RORB: variants seen among roughly 807,000 people sequenced by gnomAD.
RORB encodes the protein nuclear receptor ROR-beta.
RORB carries 6 observed loss-of-function variants against 59.1 expected under a neutral mutation model. That is an observed-to-expected ratio of 0.10 (90% confidence interval 0.06 to 0.20). The LOEUF (loss-of-function observed/expected upper bound fraction) is 0.20. RORB is among the 10% of genes least tolerant of loss of function. RORB has a pLI of 1.00. For missense variants in RORB, 320 were observed against 560.5 expected (o/e 0.57, Z 4.33); for synonymous variants, 215 against 204.5 (o/e 1.05, Z -0.44).
intron 1 of RORB, among the ~76,000 whole-genome samples, chr9:74,518,264 G>A (rs917870843): frequency 1.3e-5 from 2 of 151,934 alleles, no homozygotes; most frequent in African/African-American, 4.8e-5. Flanking sequence ...CCGTGGCACC[G>A]TTAATTGAAC....
chr9:74,521,188 G>A (rs1160787017), intron 1 of RORB, among the ~76,000 whole-genome samples: 4 of 151,664 alleles, frequency 2.6e-5, no homozygotes, highest in African/African-American at 7.3e-5. Context: ...TTCACTTAAG[G>A]GTCTAATCGT....
At position 74,687,637 on chromosome 9, in the gene RORB, G is replaced by A. The variant is rs1824668754; in HGVS notation, c.*2019G>A. The A allele has an allele frequency of 6.6e-6, 1 of 152,134 alleles. No homozygotes were observed. Among genetic ancestry groups the A allele is most frequent in the East Asian group, 1.9e-4 (1 of 5,186 alleles). 9.4% of individuals were successfully genotyped at this position (152,134 alleles called of 1,614,324 possible). A position where few individuals can be genotyped will look rare whatever the true frequency, so the allele number is the denominator to read the frequency against. On this transcript the variant is annotated 3_prime_UTR_variant, in exon 10 of 10. Coordinates refer to ENST00000376896, the MANE Select transcript of RORB (RefSeq NM_006914.4). ...AATTACCTTTGGTTCTAAGAAGACA[G>A]CTGTAGACTGCTTATTATGCTGCTA...
At position 74,569,004 on chromosome 9, in the gene RORB, G is replaced by A. The variant is rs1007084702; in HGVS notation, c.8-61278G>A. Among the ~76,000 whole-genome samples, 7 of 152,136 alleles carry A rather than the reference G, an allele frequency of 4.6e-5. No individual in the cohort carries two copies. In the South Asian group the frequency reaches 6.2e-4, roughly 14 times the overall value. ...AAACATAATATGTTTAGCTAGAAAC[G>A]TTAGTATGAATGTACCAATGTTAAG... On this transcript the variant is annotated intron_variant, in intron 1 of 9. Coordinates refer to ENST00000376896, the MANE Select transcript of RORB (RefSeq NM_006914.4).
At chr9:74,594,977 C>T (rs1342308210) in intron 1 of RORB, among the ~76,000 whole-genome samples, 2 of 152,128 alleles carry the variant, frequency 1.3e-5, no homozygotes, top group Non-Finnish European at 2.9e-5. Context: ...CTGAGGGTGT[C>T]CCTTTTTAGT....
At chr9:74,597,523 C>T (rs1180378866) in intron 1 of RORB, among the ~76,000 whole-genome samples, 3 of 152,084 alleles carry the variant, frequency 2.0e-5, no homozygotes, top group African/African-American at 7.2e-5. Context: ...TTTGGCAGAA[C>T]TATGTTTCAC....
intron 1 of RORB, among the ~76,000 whole-genome samples, chr9:74,512,959 C>T (rs924085252): frequency 1.3e-5 from 2 of 152,024 alleles, no homozygotes; most frequent in African/African-American, 2.4e-5. Context: ...AGAAAATGAT[C>T]GATTTTAATG....
intron 9 of RORB, among the ~76,000 whole-genome samples, chr9:74,673,240 G>A (rs1307501565): frequency 1.3e-5 from 2 of 152,130 alleles, no homozygotes; most frequent in African/African-American, 2.4e-5. Flanking sequence ...CTCTATAGTT[G>A]CTTGGTAGCG....
rs1448794019 is a variant in RORB, at chr9:74,551,371, CA to C, written c.7+53390del. The stretch of plus-strand genomic sequence containing the variant: ...AAATAAAAGAAGGGTGACTTGAACA[CA>C]AGCACTGTGATATCACAATAGTTGA... On this transcript the variant is annotated intron_variant, in intron 1 of 9. Transcript: ENST00000376896. Among the ~76,000 whole-genome samples the C allele has an allele frequency of 2.0e-5, 3 of 152,144 alleles. No homozygotes were observed. The South Asian group carries it at 6.2e-4, about 32-fold the overall frequency.
At position 74,662,496 on chromosome 9, in the gene RORB, A is replaced by G; in HGVS notation, c.782A>G (p.Gln261Arg). The G allele has an allele frequency of 6.2e-7, 1 of 1,614,124 alleles. No individual in the cohort carries two copies. The highest frequency in any genetic ancestry group is 8.5e-7 in the Non-Finnish European group (1 of 1,179,976). Residue 261 changes from glutamine to arginine, a missense_variant, in exon 6 of 10, where the codon CAA (glutamine) becomes CGA (arginine). Physicochemically the swap from Gln to Arg is conservative, Grantham distance 43. Transcript: ENST00000376896. ...AAGTCCAGGGAAGCACTGTGGCAAC[A>G]ATGTGCCATCCAGATCACTCACGCC... ...QSKSREALWQ[Q>R]CAIQITHAIQ...
chr9:74,503,195 A>G (rs976457541), intron 1 of RORB, among the ~76,000 whole-genome samples: 1 of 152,062 alleles, frequency 6.6e-6, no homozygotes, highest in Non-Finnish European at 1.5e-5. Flanking sequence ...TGATGAAATA[A>G]GCACTCTAAA....
intron 1 of RORB, among the ~76,000 whole-genome samples, chr9:74,573,162 T>C (rs2118232429): frequency 6.6e-6 from 1 of 152,282 alleles, no homozygotes. Context: ...CTTAACTCCA[T>C]GGACCTCACT....
At position 74,589,179 on chromosome 9, in the gene RORB, A is replaced by G. The variant is rs554652903; in HGVS notation, c.8-41103A>G. 8.5e-5 allele frequency among the ~76,000 whole-genome samples: 13 copies of G among 152,344 alleles called. No individual in the cohort carries two copies. In the South Asian group the frequency reaches 2.3e-3, roughly 27 times the overall value. Reference sequence around the variant, plus strand: ...AATCATTTGTCCACAGTCAGAGTCAATCTAAGGATTTAGTAATTTTGCAAA... The same window carrying G: ...AATCATTTGTCCACAGTCAGAGTCAGTCTAAGGATTTAGTAATTTTGCAAA... On this transcript the variant is annotated intron_variant, in intron 1 of 9. Coordinates refer to ENST00000376896, the MANE Select transcript of RORB (RefSeq NM_006914.4).
intron 1 of RORB, among the ~76,000 whole-genome samples, chr9:74,504,353 T>C (rs980780665): frequency 6.6e-5 from 10 of 152,090 alleles, no homozygotes; most frequent in Admixed American, 6.6e-5. Context: ...AACTTTATAG[T>C]AATAATTAAA....
chr9:74,640,433 CTGTGTGTG>C (rs71368671), intron 3 of RORB, among the ~76,000 whole-genome samples: 3 of 148,434 alleles, frequency 2.0e-5, no homozygotes, highest in South Asian at 2.2e-4. Flanking sequence ...TCGGCTAATT[CTGTGTGTG>C]TGTGTGTGTG....
intron 1 of RORB, among the ~76,000 whole-genome samples, chr9:74,581,963 C>T (rs1041634162): frequency 1.3e-5 from 2 of 152,266 alleles, no homozygotes; most frequent in East Asian, 1.9e-4. Flanking sequence ...AAAGTCTATA[C>T]TCATGAAGTG....
rs1321085423 is a variant in RORB at position 74,626,767 on chromosome 9, T to C, written c.8-3515T>C. Among the ~76,000 whole-genome samples, 5 of 152,228 alleles carry C rather than the reference T, an allele frequency of 3.3e-5. No individual in the cohort carries two copies. The East Asian group carries it at 9.6e-4, about 29-fold the overall frequency. Reference sequence around the variant, plus strand: ...ACAATTCCACAAGAGCCTATGCCTGTTATAGTGGCAAGATATTGAGAAATG... The same window carrying C: ...ACAATTCCACAAGAGCCTATGCCTGCTATAGTGGCAAGATATTGAGAAATG... On this transcript the variant is annotated intron_variant, in intron 1 of 9. Transcript: ENST00000376896.
intron 1 of RORB, among the ~76,000 whole-genome samples, chr9:74,551,996 A>G (rs1563935372): frequency 6.6e-6 from 1 of 152,198 alleles, no homozygotes; most frequent in Non-Finnish European, 1.5e-5. Flanking sequence ...TTGAAAGGAC[A>G]AAGGACGGTC....
At chr9:74,662,687 C>T (rs561608912) in intron 6 of RORB, 81 bp downstream of exon 6, 126 of 1,456,862 alleles carry the variant, frequency 8.6e-5, no homozygotes, top group Non-Finnish European at 1.2e-4. Context: ...CTAGAAAATC[C>T]TCCTTCCGAT....
chr9:74,582,984 G>A (rs974690883), intron 1 of RORB, among the ~76,000 whole-genome samples: 1 of 152,094 alleles, frequency 6.6e-6, no homozygotes, highest in Non-Finnish European at 1.5e-5. Context: ...ACCTTCTCAG[G>A]TGTCTATATG....
Sources: allele counts gnomAD v4.1 joint callset (sites outside exome capture counted in the v4.1 genomes callset), GRCh38; gene constraint gnomAD v4.1.1; transcripts MANE v1.5; gene names NCBI Gene and HGNC (gene_info 2026-07-23, HGNC 2026-07-21).